The following AATK variants were observed in gnomAD, a reference collection of about 807,000 sequenced individuals.
The protein encoded by AATK is lemur tail kinase 1.
Under a neutral mutation model 114.3 loss-of-function variants are expected in AATK, and 91 were observed. The observed-to-expected ratio is 0.80, with a 90% CI of 0.67 to 0.95. The LOEUF (loss-of-function observed/expected upper bound fraction) is 0.95. AATK is among the 40% of genes least tolerant of loss of function. The probability of loss-of-function intolerance (pLI) is 0.00; values close to 1 mark genes in which losing one functional copy is unlikely to be tolerated. For synonymous variants in AATK, 1,075 were observed against 916.5 expected (o/e 1.17, Z -3.12); for missense variants, 2,176 against 1,965.2 (o/e 1.11, Z -2.03).
chr17:81,134,920 CTG>C (rs2060987451), intron 1 of AATK, among the ~76,000 whole-genome samples: 1 of 152,214 alleles, frequency 6.6e-6, no homozygotes, highest in Non-Finnish European at 1.5e-5. Flanking sequence ...ATGTTGCTGG[CTG>C]CTATCTGCTG....
intron 4 of AATK, 39 bp from the exon 5 acceptor site, chr17:81,127,949 C>T (rs1431016429): frequency 1.1e-5 from 17 of 1,545,476 alleles, no homozygotes; most frequent in Middle Eastern, 2.3e-4. Flanking sequence ...TGCTCCGCCT[C>T]CACCGGCCCC....
chr17:81,123,456 G>T, intron 9 of AATK, 113 bp from the exon 10 acceptor site: 1 of 1,014,982 alleles, frequency 9.9e-7, no homozygotes, highest in Non-Finnish European at 1.3e-6. Flanking sequence ...CAGTGCCTCA[G>T]GACCGGGGCC....
intron 3 of AATK, among the ~76,000 whole-genome samples, chr17:81,130,392 C>A (rs940014512): frequency 6.6e-6 from 1 of 152,148 alleles, no homozygotes; most frequent in Non-Finnish European, 1.5e-5. Flanking sequence ...CCCCAAACTC[C>A]CCAGCACGTC....
At chr17:81,151,294 C>G (rs990046153) in intron 1 of AATK, among the ~76,000 whole-genome samples, 11 of 147,248 alleles carry the variant, frequency 7.5e-5, no homozygotes, top group East Asian at 2.0e-4. Flanking sequence ...CTGTCTCCCC[C>G]ACCGACCCCT....
intron 1 of AATK, among the ~76,000 whole-genome samples, chr17:81,146,079 C>T (rs1004858779): frequency 1.5e-4 from 22 of 151,284 alleles, no homozygotes; most frequent in African/African-American, 5.4e-4. Context: ...ATCCCAGCTA[C>T]TTGGGAGGCT....
rs367755609 is a variant in AATK at position 81,120,920 on chromosome 17, C to A, written c.3016G>T (p.Glu1006Ter). Residue 1006 changes from glutamate to a stop codon, truncating the protein, a stop_gained, in exon 11 of 14, where the codon GAG becomes TAG. Transcript: ENST00000326724. LOFTEE classifies it high-confidence loss of function. ...AYFSDLEAEA[E>*]ATSGPEKKCG... ...TTCTTCTCTGGGCCTGAGGTGGCCT[C>A]GGCCTCAGCCTCGAGGTCTGAGAAG... The A allele has an allele frequency of 6.3e-7, 1 of 1,599,202 alleles. No individual in the cohort carries two copies.
intron 1 of AATK, among the ~76,000 whole-genome samples, chr17:81,163,158 T>C (rs901464401): frequency 2.6e-5 from 4 of 152,090 alleles, no homozygotes; most frequent in Non-Finnish European, 5.9e-5. Flanking sequence ...AGCGCGCCTC[T>C]CCAGAAGCCG....
At chr17:81,153,124 G>A (rs1041284998) in intron 1 of AATK, among the ~76,000 whole-genome samples, 3 of 152,212 alleles carry the variant, frequency 2.0e-5, no homozygotes, top group Non-Finnish European at 4.4e-5. Context: ...TTATAGGCAT[G>A]AGCCACCGCA....
chr17:81,138,914 G>T (rs2061078395), intron 1 of AATK, among the ~76,000 whole-genome samples: 2 of 149,836 alleles, frequency 1.3e-5, no homozygotes, highest in African/African-American at 4.9e-5. Flanking sequence ...CACATGCGTA[G>T]ACAGATACCA....
chr17:81,129,708 GC>G (rs1273343992), intron 3 of AATK, among the ~76,000 whole-genome samples: 1 of 152,112 alleles, frequency 6.6e-6, no homozygotes, highest in East Asian at 1.9e-4. Context: ...ATCTTCGGGG[GC>G]CAGGCACACA....
chr17:81,118,650 G>A (rs536108793), intron 13 of AATK, among the ~76,000 whole-genome samples: 35 of 152,350 alleles, frequency 2.3e-4, no homozygotes, highest in Admixed American at 6.5e-4. Context: ...AAATGCCTCC[G>A]AGTCCTGTTT....
At chr17:81,127,270 C>T (rs1344089793) in intron 6 of AATK, among the ~76,000 whole-genome samples, 2 of 151,988 alleles carry the variant, frequency 1.3e-5, no homozygotes, top group Admixed American at 6.5e-5. Flanking sequence ...GCCAGTGCCC[C>T]CCCCCAGTTG....
intron 7 of AATK, chr17:81,125,276 C>A: frequency 1.3e-6 from 1 of 754,914 alleles, no homozygotes; most frequent in South Asian, 1.4e-5. Flanking sequence ...TGTTACAGTG[C>A]AGAGGAGAAT....
intron 1 of AATK, among the ~76,000 whole-genome samples, chr17:81,140,950 G>A (rs1298913065): frequency 2.8e-4 from 39 of 137,278 alleles, no homozygotes; most frequent in African/African-American, 9.9e-4. Context: ...GCCGTGAGCC[G>A]TGGGGACCGT....
In AATK at chr17:81,122,321, G is replaced by C. The variant is rs1001982628; in HGVS notation, c.1615C>G (p.Pro539Ala). The C allele has an allele frequency of 1.3e-6, 2 of 1,511,340 alleles. No individual in the cohort carries two copies. 93.6% of individuals were successfully genotyped at this position (1,511,340 alleles called of 1,614,324 possible). A position where few individuals can be genotyped will look rare whatever the true frequency, so the allele number is the denominator to read the frequency against. Reference sequence around the variant, plus strand: ...CAGTCAGGGTCGTGGCCGGCGGCGGGTGCGGCCTCCTCTAGGCGGATGAAG... The same window carrying C: ...CAGTCAGGGTCGTGGCCGGCGGCGGCTGCGGCCTCCTCTAGGCGGATGAAG... ...EYFIRLEEAA[P>A]AAGHDPDCAG... Residue 539 changes from proline (P) to alanine (A), a missense_variant, in exon 11 of 14, where the codon CCC becomes GCC. By Grantham distance (27) the Pro-to-Ala change is conservative (BLOSUM62 -1). Coordinates refer to ENST00000326724, the MANE Select transcript of AATK (RefSeq NM_001080395.3).
At position 81,131,054 on chromosome 17, in the gene AATK, C is replaced by A. The variant is rs937104867; in HGVS notation, c.334+7G>T. ...GAGGCCACCCCATCTCCCCACCCAG[C>A]CCTCACCTGAGCGCCCAGGCTGCTT... On this transcript the variant is annotated splice_region_variant and intron_variant, in intron 3 of 13. Transcript: ENST00000326724. The A allele has an allele frequency of 9.0e-6, 14 of 1,549,240 alleles. No individual in the cohort carries two copies. Among genetic ancestry groups the A allele is most frequent in the African/African-American group, 1.4e-5 (1 of 73,124 alleles).
intron 13 of AATK, 86 bp from the exon 14 acceptor site, chr17:81,118,528 G>C: frequency 1.4e-6 from 2 of 1,439,724 alleles, no homozygotes; most frequent in Non-Finnish European, 1.9e-6. Context: ...CTCCATCCCT[G>C]GCCCACATAC....
At chr17:81,138,568 C>CACACATACATACCCCACACATACCCACA (rs2061065172) in intron 1 of AATK, among the ~76,000 whole-genome samples, 1 of 146,242 alleles carries the variant, frequency 6.8e-6, no homozygotes. Context: ...ACACATACCC[C>CACACATACATACCCCACACATACCCACA]CACACGCACA....
At position 81,119,390 on chromosome 17, in the gene AATK, C is replaced by T; in HGVS notation, c.4074G>A (p.Glu1358=). The part of the protein sequence containing the change: ...SITHVSDSDA[E]SKRGPEAGAG... ...CCGCCCAGGCCTCACCTCTCTTGGA[C>T]TCGGCGTCCGAGTCAGACACGTGCG... is the stretch of plus-strand genomic sequence containing the variant. Residue 1358 remains glutamate (E), a synonymous_variant, in exon 13 of 14, where the codon GAG becomes GAA. Transcript: ENST00000326724. The T allele has an allele frequency of 6.4e-7, 1 of 1,566,884 alleles. No homozygotes were observed. The highest frequency in any genetic ancestry group is 8.6e-7 in the Non-Finnish European group (1 of 1,163,410).
Sources: allele counts gnomAD v4.1 joint callset (sites outside exome capture counted in the v4.1 genomes callset), GRCh38; gene constraint gnomAD v4.1.1; transcripts MANE v1.5; gene names NCBI Gene and HGNC (gene_info 2026-07-23, HGNC 2026-07-21).